The following ELP4 variants were observed in gnomAD, a reference collection of about 807,000 sequenced individuals.
ELP4 encodes the protein elongator acetyltransferase complex subunit 4.
ELP4 carries 51 observed loss-of-function variants against 48.9 expected under a neutral mutation model. The ratio of observed to expected loss-of-function variants is 1.04; its 90% CI spans 0.83 to 1.32. ELP4 has a LOEUF of 1.32. Ranked by LOEUF, ELP4 falls within the 40% of genes most tolerant of loss-of-function variation. ELP4 has a pLI of 0.00. For synonymous variants in ELP4, 210 were observed against 189.2 expected, an observed-to-expected ratio of 1.11 and a Z score of -0.90; for missense variants, 519 against 514.6, an observed-to-expected ratio of 1.01 and a Z score of -0.08.
intron 9 of ELP4, among the ~76,000 whole-genome samples, chr11:31,672,304 T>A (rs1945827532): frequency 6.6e-6 from 1 of 152,212 alleles, no homozygotes; most frequent in Non-Finnish European, 1.5e-5. Context: ...ACTGTTCAAA[T>A]TGTTTTGTTT....
intron 5 of ELP4, among the ~76,000 whole-genome samples, chr11:31,622,298 A>G (rs527529511): frequency 2.0e-5 from 3 of 151,850 alleles, no homozygotes; most frequent in African/African-American, 7.2e-5. Flanking sequence ...TGGTGGTGGC[A>G]GTGTTGTATA....
At chr11:31,664,767 T>A (rs550948512) in intron 9 of ELP4, among the ~76,000 whole-genome samples, 22 of 152,282 alleles carry the variant, frequency 1.4e-4, no homozygotes, top group Admixed American at 7.2e-4. Flanking sequence ...TTTGCTATCT[T>A]ACTCCTGTAT....
chr11:31,704,403 C>T (rs1946587188), intron 9 of ELP4, among the ~76,000 whole-genome samples: 1 of 152,072 alleles, frequency 6.6e-6, no homozygotes, highest in Non-Finnish European at 1.5e-5. Context: ...AACCATACAC[C>T]GCATGTTCTC....
chr11:31,719,359 T>G (rs1592251121), intron 9 of ELP4: 1 of 393,228 alleles, frequency 2.5e-6, no homozygotes, highest in South Asian at 1.4e-4. Flanking sequence ...AGTGGCAGAG[T>G]TTTTGTGGAA....
chr11:31,671,761 A>G (rs1945812448), intron 9 of ELP4, among the ~76,000 whole-genome samples: 1 of 152,212 alleles, frequency 6.6e-6, no homozygotes, highest in Non-Finnish European at 1.5e-5. Flanking sequence ...CCTGGTGAGT[A>G]AAGACTGCAG....
intron 9 of ELP4, among the ~76,000 whole-genome samples, chr11:31,669,693 A>G (rs1423557189): frequency 6.6e-6 from 1 of 152,178 alleles, no homozygotes; most frequent in Non-Finnish European, 1.5e-5. Context: ...CACAATAGAT[A>G]CGTATTAAAC....
chr11:31,579,790 T>TG (rs1957356409), intron 3 of ELP4, among the ~76,000 whole-genome samples: 1 of 61,142 alleles, frequency 1.6e-5, no homozygotes, highest in Non-Finnish European at 3.1e-5. Flanking sequence ...TGTCATGGGG[T>TG]GGGGGGAGGG....
intron 9 of ELP4, among the ~76,000 whole-genome samples, chr11:31,710,779 A>T (rs1328333874): frequency 3.9e-5 from 6 of 152,218 alleles, no homozygotes; most frequent in Non-Finnish European, 7.3e-5. Context: ...ACAGAGAGCG[A>T]CATAATCAGT....
intron 2 of ELP4, among the ~76,000 whole-genome samples, chr11:31,537,410 A>C (rs181420070): frequency 2.0e-5 from 3 of 152,074 alleles, no homozygotes; most frequent in Admixed American, 2.0e-4. Flanking sequence ...AGCTTATAGT[A>C]AGTCTTGAAA....
intron 9 of ELP4, among the ~76,000 whole-genome samples, chr11:31,696,682 A>G (rs1326525180): frequency 1.3e-5 from 2 of 152,154 alleles, no homozygotes; most frequent in African/African-American, 4.8e-5. Context: ...GAAAGGAACA[A>G]CCGGTACCAG....
chr11:31,606,208 A>G (rs1437980400), intron 5 of ELP4, among the ~76,000 whole-genome samples: 1 of 152,142 alleles, frequency 6.6e-6, no homozygotes, highest in Non-Finnish European at 1.5e-5. Context: ...AATTAAATGT[A>G]ATTAAACTTT....
intron 3 of ELP4, among the ~76,000 whole-genome samples, chr11:31,543,604 T>G (rs1449074681): frequency 1.3e-5 from 2 of 152,176 alleles, no homozygotes; most frequent in East Asian, 1.9e-4. Context: ...CTCCAAGTTT[T>G]AAAAGTCCTG....
intron 5 of ELP4, among the ~76,000 whole-genome samples, chr11:31,623,390 T>TATATATATAAA (rs67986763): frequency 3.2e-5 from 3 of 92,610 alleles, no homozygotes; most frequent in African/African-American, 1.1e-4. Context: ...TATATATATA[T>TATATATATAAA]AAAACTAGAA....
chr11:31,598,945 G>A (rs1236430354), intron 4 of ELP4: 1 of 152,130 alleles, frequency 6.6e-6, no homozygotes, highest in African/African-American at 2.4e-5. Flanking sequence ...AGAAGTGACT[G>A]CCTTTGTCGC....
Position 31,603,805 on chromosome 11 carries a change from A to T in ELP4, c.551A>T (p.Tyr184Phe), listed in dbSNP as rs566381038. The T allele has an allele frequency of 6.2e-7, 1 of 1,611,230 alleles. No individual in the cohort carries two copies. Among genetic ancestry groups the T allele is most frequent in the Non-Finnish European group, 8.5e-7 (1 of 1,178,034 alleles). ...TCATCTTCAAGATTTGGTCACTATT[A>T]TGATGCATCAAAAAGAATGCCACAA... is the stretch of plus-strand genomic sequence containing the variant. The part of the protein sequence containing the change: ...PVSSSRFGHY[Y>F]DASKRMPQEL... The change falls in exon 5 of 10, where the codon TAT becomes TTT. Residue 184 changes from tyrosine to phenylalanine, a missense_variant. Physicochemically the swap from Tyr to Phe is conservative, Grantham distance 22. Transcript: ENST00000640961.
intron 3 of ELP4, among the ~76,000 whole-genome samples, chr11:31,567,360 A>G (rs920092531): frequency 6.6e-6 from 1 of 152,236 alleles, no homozygotes; most frequent in African/African-American, 2.4e-5. Flanking sequence ...GTAGTATCCT[A>G]AAAAGCCAGG....
At position 31,603,677 on chromosome 11, in the gene ELP4, T is replaced by A; in HGVS notation, c.514-91T>A. 3 of 1,372,678 alleles carry A rather than the reference T, an allele frequency of 2.2e-6. No homozygotes were observed. In the South Asian group the frequency reaches 4.2e-5, roughly 19 times the overall value. The allele number at this position is 1,372,678 out of a possible 1,614,324, so 85.0% of individuals were successfully genotyped here. Reference sequence around the variant, plus strand: ...TTCTTCCTTATTAGCTTAAAATTCATAAATATGCCATTGTTTTGCTGGATG... The same window carrying A: ...TTCTTCCTTATTAGCTTAAAATTCAAAAATATGCCATTGTTTTGCTGGATG... On this transcript the variant is annotated intron_variant, in intron 4 of 9. Coordinates refer to ENST00000640961, the MANE Select transcript of ELP4 (RefSeq NM_019040.5).
At position 31,625,452 on chromosome 11, in the gene ELP4, C is replaced by G. The variant is rs537373612; in HGVS notation, c.654-1658C>G. Among the ~76,000 whole-genome samples the G allele has an allele frequency of 3.3e-5, 5 of 151,866 alleles. No individual in the cohort carries two copies. The South Asian group carries it at 1.0e-3, about 31-fold the overall frequency. ...ATGAATAAAGAAAATGTGGTGTACA[C>G]ACACACAATGAACTTTTAACCTTCA... is the stretch of plus-strand genomic sequence containing the variant. On this transcript the variant is annotated intron_variant, in intron 5 of 9. Coordinates refer to ENST00000640961, the MANE Select transcript of ELP4 (RefSeq NM_019040.5).
chr11:31,626,433 G>T (rs879479700), intron 5 of ELP4, among the ~76,000 whole-genome samples: 1 of 151,682 alleles, frequency 6.6e-6, no homozygotes, highest in African/African-American at 2.4e-5. Flanking sequence ...ATGTAAAGCA[G>T]ATTTTCCTCA....
Sources: allele counts gnomAD v4.1 joint callset (sites outside exome capture counted in the v4.1 genomes callset), GRCh38; gene constraint gnomAD v4.1.1; transcripts MANE v1.5; gene names NCBI Gene and HGNC (gene_info 2026-07-23, HGNC 2026-07-21).